Variants in ULBP2 observed in about 807,000 individuals in gnomAD.
ULBP2 encodes the protein UL16-binding protein 2.
In ULBP2, 21 loss-of-function variants were observed where a neutral mutation model predicts 23.6. That is an observed-to-expected ratio of 0.89 (90% CI 0.63 to 1.28). The LOEUF (loss-of-function observed/expected upper bound fraction) is 1.28, where lower values mean the gene tolerates loss of function less well. Among genes scored for constraint, ULBP2 ranks in the 50% most tolerant of loss-of-function variants. The probability of loss-of-function intolerance (pLI) is 0.00; values close to 1 mark genes in which losing one functional copy is unlikely to be tolerated. For synonymous variants in ULBP2, 82 were observed against 112.8 expected (o/e 0.73, Z 1.73); for missense variants, 251 against 306.0 (o/e 0.82, Z 1.34).
chr6:149,945,416 G>A lies in ULBP2; in HGVS notation c.193G>A (p.Asp65Asn). 3 of 1,613,920 alleles carry A rather than the reference G, an allele frequency of 1.9e-6. No individual in the cohort carries two copies. The South Asian group carries it at 3.3e-5, about 18-fold the overall frequency. The change falls in exon 2 of 5, where the codon GAC becomes AAC. Residue 65 changes from aspartate to asparagine, a missense_variant. Physicochemically the swap from Asp to Asn is conservative, Grantham distance 23. Around this residue, in one of 2 missense-constraint regions of ULBP2, gnomAD observed 248 missense variants for 258.9 expected, o/e 0.96. Transcript: ENST00000367351. Reference protein sequence around the residue: ...QVDEKTFLHYDCGNKTVTPVS... With the variant: ...QVDEKTFLHYNCGNKTVTPVS... ...GGATGAAAAGACTTTTCTTCACTATGACTGTGGCAACAAGACAGTCACACC... is the reference window on the plus strand; with the variant it reads ...GGATGAAAAGACTTTTCTTCACTATAACTGTGGCAACAAGACAGTCACACC...
At chr6:149,942,827 C>G (rs1778883571) in intron 1 of ULBP2, among the ~76,000 whole-genome samples, 1 of 152,112 alleles carries the variant, frequency 6.6e-6, no homozygotes, top group East Asian at 1.9e-4. Context: ...CACCACGTCG[C>G]ACCTTCTGCC....
At position 149,949,085 on chromosome 6, in the gene ULBP2, G is replaced by T. The variant is rs565732716; in HGVS notation, c.*385G>T. On this transcript the variant is annotated 3_prime_UTR_variant, in exon 5 of 5. Coordinates refer to ENST00000367351, the MANE Select transcript of ULBP2 (RefSeq NM_025217.4). ...ATGATATTGTCAGTAAAATAATCAC[G>T]TTAGACTTCAGACCTCTGGGGATTC... The T allele has an allele frequency of 1.1e-5, 2 of 175,370 alleles. No homozygotes were observed. Among genetic ancestry groups the T allele is most frequent in the African/African-American group, 4.8e-5 (2 of 41,620 alleles). 10.9% of individuals were successfully genotyped at this position (175,370 alleles called of 1,614,324 possible).
Position 149,946,206 on chromosome 6 carries a change from CAA to C in ULBP2, c.350-151_350-150del, listed in dbSNP as rs67763917. 4.2e-3 allele frequency among the ~76,000 whole-genome samples: 534 copies of C among 126,224 alleles called. 3 individuals carry two copies. Among genetic ancestry groups the C allele is most frequent in the African/African-American group, 0.015 (504 of 33,142 alleles). The allele number at this position is 126,224 out of a possible 152,430, so 82.8% of individuals were successfully genotyped here. Reference sequence around the variant, plus strand: ...TGGGTGACAGAGCGAGACCCTTTCTCAAAAAAAAAAAAAAAATACAAATGGGA... The same window carrying C: ...TGGGTGACAGAGCGAGACCCTTTCTCAAAAAAAAAAAAAATACAAATGGGA... On this transcript the variant is annotated intron_variant, in intron 2 of 4. Transcript: ENST00000367351.
At chr6:149,946,769 C>A (rs1335707350) in intron 3 of ULBP2, 116 bp downstream of exon 3, 5 of 1,534,982 alleles carry the variant, frequency 3.3e-6, no homozygotes, top group Non-Finnish European at 2.6e-6. Context: ...GTTAAAATGA[C>A]CTCCTCGTGG....
Position 149,948,790 on chromosome 6 carries a change from G to A in ULBP2, c.*90G>A. 4.4e-6 allele frequency: 2 copies of A among 456,732 alleles called. No homozygotes were observed. The highest frequency in any genetic ancestry group is 4.7e-5 in the Admixed American group (2 of 42,588). 28.3% of individuals were successfully genotyped at this position (456,732 alleles called of 1,614,324 possible). A position where few individuals can be genotyped will look rare whatever the true frequency, so the allele number is the denominator to read the frequency against. On this transcript the variant is annotated 3_prime_UTR_variant, in exon 5 of 5. Transcript: ENST00000367351. ...TCAAACTCGCCCTTCTGTCTGGCCA[G>A]CTGCCCACGACCTACGGTGTATGTC...
chr6:149,947,688 C>T (rs1778963721), intron 4 of ULBP2, among the ~76,000 whole-genome samples: 1 of 152,126 alleles, frequency 6.6e-6, no homozygotes, highest in Non-Finnish European at 1.5e-5. Flanking sequence ...GGGAGGGGCC[C>T]ATACCAAGGC....
chr6:149,945,540 G>T lies in ULBP2; in HGVS notation c.317G>T (p.Arg106Leu), dbSNP rs144855877. The T allele has an allele frequency of 1.4e-3, 2,286 of 1,604,400 alleles. 21 individuals carry two copies. Among genetic ancestry groups the T allele is most frequent in the African/African-American group, 9.5e-3 (678 of 71,584 alleles). The change falls in exon 2 of 5, where the codon CGT becomes CTT. Residue 106 changes from arginine to leucine, a missense_variant. Arg to Leu is a moderately radical substitution (Grantham distance 102). Coordinates refer to ENST00000367351, the MANE Select transcript of ULBP2 (RefSeq NM_025217.4). ...EVVDILTEQL[R>L]DIQLENYTPK... ...GTGGACATACTTACAGAGCAACTGC[G>T]TGACATTCAGCTGGAGAATTACACA...
intron 3 of ULBP2, 83 bp from the exon 4 acceptor site, chr6:149,947,237 A>G: frequency 6.4e-7 from 1 of 1,570,230 alleles, no homozygotes; most frequent in East Asian, 2.3e-5. Context: ...TTCCAGGATG[A>G]CCTAGGGTGG....
chr6:149,946,019 G>C (rs1430190700), intron 2 of ULBP2, among the ~76,000 whole-genome samples: 3 of 151,676 alleles, frequency 2.0e-5, no homozygotes, highest in Non-Finnish European at 2.9e-5. Context: ...GAGGCAGGCG[G>C]ATCACGAGGT....
chr6:149,946,768 A>G, intron 3 of ULBP2, 115 bp downstream of exon 3: 1 of 1,532,916 alleles, frequency 6.5e-7, no homozygotes, highest in African/African-American at 1.4e-5. Context: ...CGTTAAAATG[A>G]CCTCCTCGTG....
rs576504583 is a variant in ULBP2, at chr6:149,945,245, G to T, written c.86-64G>T. The T allele has an allele frequency of 1.9e-6, 3 of 1,575,710 alleles. No homozygotes were observed. In the African/African-American group the frequency reaches 4.1e-5, roughly 21 times the overall value. On this transcript the variant is annotated intron_variant, in intron 1 of 4. Coordinates refer to ENST00000367351, the MANE Select transcript of ULBP2 (RefSeq NM_025217.4). The stretch of plus-strand genomic sequence containing the variant: ...AGAGGCATCCTCTTATTGACACAGC[G>T]TGGAGGGGGGCTAACTAGGGGTCTT...
At position 149,948,784 on chromosome 6, in the gene ULBP2, T is replaced by C; in HGVS notation, c.*84T>C. The C allele has an allele frequency of 4.4e-6, 2 of 456,768 alleles. No homozygotes were observed. The highest frequency in any genetic ancestry group is 1.5e-5 in the South Asian group (1 of 64,576). 28.3% of individuals were successfully genotyped at this position (456,768 alleles called of 1,614,324 possible). A position where few individuals can be genotyped will look rare whatever the true frequency, so the allele number is the denominator to read the frequency against. On this transcript the variant is annotated 3_prime_UTR_variant, in exon 5 of 5. Coordinates refer to ENST00000367351, the MANE Select transcript of ULBP2 (RefSeq NM_025217.4). The stretch of plus-strand genomic sequence containing the variant: ...TCTTGATCAAACTCGCCCTTCTGTC[T>C]GGCCAGCTGCCCACGACCTACGGTG...
At chr6:149,945,707 T>C in intron 2 of ULBP2, 135 bp downstream of exon 2, 1 of 1,532,236 alleles carries the variant, frequency 6.5e-7, no homozygotes, top group Non-Finnish European at 8.9e-7. Flanking sequence ...CTTTGTGAGG[T>C]AGAGGTGGGC....
rs770526677 is a variant in ULBP2, at chr6:149,946,357, C to G, written c.350-15C>G. On this transcript the variant is annotated splice_polypyrimidine_tract_variant and intron_variant, in intron 2 of 4. Transcript: ENST00000367351. ...TTTGTCAAGATCAGAGCTGATCTCT[C>G]TCTGATGGGGGCAGAACCCCTCACC... 8.7e-6 allele frequency: 14 copies of G among 1,607,468 alleles called. No individual in the cohort carries two copies.
intron 2 of ULBP2, 47 bp downstream of exon 2, chr6:149,945,619 G>A (rs1327954823): frequency 1.9e-6 from 3 of 1,613,740 alleles, no homozygotes; most frequent in Non-Finnish European, 2.5e-6. Context: ...TACAGTGGTA[G>A]GTTAGAGGCA....
At chr6:149,948,329 G>C (rs992419020) in intron 4 of ULBP2, among the ~76,000 whole-genome samples, 1 of 152,206 alleles carries the variant, frequency 6.6e-6, no homozygotes, top group Non-Finnish European at 1.5e-5. Context: ...GGGGAAAGAA[G>C]GATGTTTGCC....
At position 149,948,726 on chromosome 6, in the gene ULBP2, A is replaced by G. The variant is rs1778980061; in HGVS notation, c.*26A>G. On this transcript the variant is annotated 3_prime_UTR_variant, in exon 5 of 5. Coordinates refer to ENST00000367351, the MANE Select transcript of ULBP2 (RefSeq NM_025217.4). ...AACATTTGTGTCCTTTCTGAAGGTT[A>G]AAGCTGATACCAAAAGGCTCCTGTG... The G allele has an allele frequency of 2.2e-6, 1 of 456,642 alleles. No individual in the cohort carries two copies. The highest frequency in any genetic ancestry group is 4.4e-6 in the Non-Finnish European group (1 of 226,990). The allele number at this position is 456,642 out of a possible 1,614,324, so 28.3% of individuals were successfully genotyped here.
intron 1 of ULBP2, among the ~76,000 whole-genome samples, chr6:149,942,800 G>T (rs979499701): frequency 3.3e-5 from 5 of 152,058 alleles, no homozygotes; most frequent in Admixed American, 1.3e-4. Flanking sequence ...CCATGAAGGG[G>T]ACCTCACCAC....
intron 1 of ULBP2, among the ~76,000 whole-genome samples, chr6:149,942,935 G>A (rs1778885318): frequency 6.6e-6 from 1 of 152,164 alleles, no homozygotes; most frequent in African/African-American, 2.4e-5. Context: ...GATGACCCTG[G>A]GAACTCTGGT....
Sources: allele counts gnomAD v4.1 joint callset (sites outside exome capture counted in the v4.1 genomes callset), GRCh38; gene constraint gnomAD v4.1.1; regional missense constraint gnomAD v4.1.1; transcripts MANE v1.5; gene names NCBI Gene and HGNC (gene_info 2026-07-23, HGNC 2026-07-21).